Variants in LSAMP observed in about 807,000 individuals in gnomAD.
The protein encoded by LSAMP is limbic system associated membrane protein.
In LSAMP, 7 loss-of-function variants were observed where a neutral mutation model predicts 38.6. That is an observed-to-expected ratio of 0.18 (90% CI 0.10 to 0.34). The LOEUF (loss-of-function observed/expected upper bound fraction) is 0.34. LSAMP is among the 10% of genes least tolerant of loss of function. The pLI, the probability that LSAMP is intolerant of heterozygous loss-of-function variation, is 1.00. For missense variants in LSAMP, 313 were observed against 420.0 expected, an observed-to-expected ratio of 0.75 and a Z score of 2.23; for synonymous variants, 154 against 166.8, an observed-to-expected ratio of 0.92 and a Z score of 0.59.
At chr3:116,114,023 A>G (rs1708688466) in intron 1 of LSAMP, among the ~76,000 whole-genome samples, 1 of 152,198 alleles carries the variant, frequency 6.6e-6, no homozygotes, top group Non-Finnish European at 1.5e-5. Context: ...GTTGAACTTT[A>G]TTTAAGCCCT....
At chr3:115,828,198 A>T (rs1260804550) in intron 6 of LSAMP, among the ~76,000 whole-genome samples, 2 of 152,174 alleles carry the variant, frequency 1.3e-5, no homozygotes, top group African/African-American at 2.4e-5. Context: ...ATGCCTGGTA[A>T]ATATGGTGGA....
intron 3 of LSAMP, among the ~76,000 whole-genome samples, chr3:115,876,621 C>A (rs1936186588): frequency 6.6e-6 from 1 of 152,054 alleles, no homozygotes; most frequent in Non-Finnish European, 1.5e-5. Flanking sequence ...TGACTTCACC[C>A]AGGTTTCTGT....
chr3:115,939,639 G>T (rs1422874134), intron 3 of LSAMP, among the ~76,000 whole-genome samples: 2 of 149,706 alleles, frequency 1.3e-5, no homozygotes, highest in African/African-American at 4.9e-5. Flanking sequence ...GCAGCCTTGA[G>T]ACTCACTTGG....
intron 1 of LSAMP, among the ~76,000 whole-genome samples, chr3:116,303,540 C>T (rs940131032): frequency 2.0e-5 from 3 of 152,106 alleles, no homozygotes; most frequent in Admixed American, 1.3e-4. Flanking sequence ...GAGAAAAATG[C>T]TATTTTGACT....
chr3:116,254,706 T>A (rs2046728270), intron 1 of LSAMP, among the ~76,000 whole-genome samples: 1 of 152,174 alleles, frequency 6.6e-6, no homozygotes, highest in African/African-American at 2.4e-5. Flanking sequence ...CTGACTACCA[T>A]CTGTTTAGTG....
intron 3 of LSAMP, among the ~76,000 whole-genome samples, chr3:115,927,859 G>A (rs114094288): frequency 0.022 from 3,408 of 152,262 alleles, 149 homozygotes; most frequent in African/African-American, 0.076. Flanking sequence ...ACCATTTAAA[G>A]AGCAACCTTG....
chr3:116,175,479 T>A (rs1710315647), intron 1 of LSAMP, among the ~76,000 whole-genome samples: 1 of 152,080 alleles, frequency 6.6e-6, no homozygotes, highest in African/African-American at 2.4e-5. Context: ...CACTATAACT[T>A]ATTTGTCCTA....
chr3:116,212,083 C>G (rs2046164682), intron 1 of LSAMP, among the ~76,000 whole-genome samples: 1 of 152,202 alleles, frequency 6.6e-6, no homozygotes, highest in African/African-American at 2.4e-5. Flanking sequence ...AATCCAGTGA[C>G]ACAGAATTTT....
chr3:116,409,867 G>A (rs1433786178), intron 1 of LSAMP, among the ~76,000 whole-genome samples: 3 of 152,054 alleles, frequency 2.0e-5, no homozygotes, highest in African/African-American at 7.2e-5. Context: ...ATTTACGGAG[G>A]CATGCTGAAG....
intron 1 of LSAMP, among the ~76,000 whole-genome samples, chr3:116,265,524 T>C (rs372947267): frequency 2.6e-5 from 4 of 152,330 alleles, no homozygotes; most frequent in East Asian, 1.9e-4. Flanking sequence ...AGTTTATATG[T>C]CCTGCTGCTC....
chr3:116,419,985 T>C (rs1168978600), intron 1 of LSAMP, among the ~76,000 whole-genome samples: 13 of 152,256 alleles, frequency 8.5e-5, no homozygotes, highest in Non-Finnish European at 2.9e-5. Flanking sequence ...GTACCTATTC[T>C]TGTTGAATGC....
intron 2 of LSAMP, among the ~76,000 whole-genome samples, chr3:116,074,034 T>G (rs763452911): frequency 2.5e-4 from 38 of 152,310 alleles, no homozygotes; most frequent in Non-Finnish European, 4.3e-4. Context: ...CAGGCCTTAC[T>G]GAAACATCAA....
At chr3:115,929,954 G>A (rs2107537823) in intron 3 of LSAMP, among the ~76,000 whole-genome samples, 1 of 137,886 alleles carries the variant, frequency 7.3e-6, no homozygotes, top group East Asian at 2.4e-4. Flanking sequence ...ACAGATAATA[G>A]ATACATACAA....
At chr3:115,857,000 C>T (rs1486121574) in intron 3 of LSAMP, among the ~76,000 whole-genome samples, 1 of 152,160 alleles carries the variant, frequency 6.6e-6, no homozygotes, top group Non-Finnish European at 1.5e-5. Flanking sequence ...AACTCCACTG[C>T]CTTTTAATGA....
intron 1 of LSAMP, among the ~76,000 whole-genome samples, chr3:116,407,667 T>TAC (rs2048914352): frequency 6.6e-6 from 1 of 152,120 alleles, no homozygotes; most frequent in Non-Finnish European, 1.5e-5. Context: ...TCTTCATGAC[T>TAC]ATGGTACATG....
chr3:115,904,302 T>C (rs1936954763), intron 3 of LSAMP, among the ~76,000 whole-genome samples: 1 of 152,098 alleles, frequency 6.6e-6, no homozygotes, highest in Non-Finnish European at 1.5e-5. Flanking sequence ...AAAATTTTAA[T>C]TTCTAAAACA....
chr3:116,333,207 T>C (rs2047873743), intron 1 of LSAMP, among the ~76,000 whole-genome samples: 1 of 152,114 alleles, frequency 6.6e-6, no homozygotes, highest in Non-Finnish European at 1.5e-5. Flanking sequence ...ATATTTTTAA[T>C]GATTGACCTA....
chr3:116,339,340 C>T (rs1232115308), intron 1 of LSAMP, among the ~76,000 whole-genome samples: 1 of 150,740 alleles, frequency 6.6e-6, no homozygotes, highest in Non-Finnish European at 1.5e-5. Flanking sequence ...ATTTATCGTG[C>T]TTTCCAGAGA....
At chr3:116,144,900 A>G (rs961656149) in intron 1 of LSAMP, among the ~76,000 whole-genome samples, 1 of 151,960 alleles carries the variant, frequency 6.6e-6, no homozygotes, top group Non-Finnish European at 1.5e-5. Context: ...ATTATGTAAA[A>G]TAATATAGTT....
Sources: allele counts gnomAD v4.1 joint callset (sites outside exome capture counted in the v4.1 genomes callset), GRCh38; gene constraint gnomAD v4.1.1; transcripts MANE v1.5; gene names NCBI Gene and HGNC (gene_info 2026-07-23, HGNC 2026-07-21).